Variants in FAXC observed in about 807,000 individuals in gnomAD.
FAXC encodes failed axon connections homolog, metaxin like GST domain containing.
In FAXC, 10 loss-of-function variants were observed where a neutral mutation model predicts 41.9. That is an observed-to-expected ratio of 0.24 (90% CI 0.15 to 0.41). FAXC has a LOEUF of 0.41. FAXC is among the 10% of genes least tolerant of loss of function. The pLI is 1.00. For missense variants in FAXC, 399 were observed against 510.9 expected, an observed-to-expected ratio of 0.78 and a Z score of 2.11; for synonymous variants, 183 against 183.8, an observed-to-expected ratio of 1.00 and a Z score of 0.03.
chr6:99,328,141 ACT>A (rs1470610433), intron 3 of FAXC, among the ~76,000 whole-genome samples: 2 of 152,036 alleles, frequency 1.3e-5, no homozygotes, highest in Non-Finnish European at 2.9e-5. Context: ...ATCTCCCAGC[ACT>A]GACTCCCATG....
Position 99,273,750 on chromosome 6 carries a change from G to C in FAXC, c.*7414C>G, listed in dbSNP as rs904849459. ...TCAATTACAGGCATCTGGGTGCTAC[G>C]CCTAAAGACTCCTTGTCCCATTCTC... On this transcript the variant is annotated 3_prime_UTR_variant, in exon 6 of 6. Coordinates refer to ENST00000389677, the MANE Select transcript of FAXC (RefSeq NM_032511.4). 6.6e-6 allele frequency: 1 copy of C among 151,850 alleles called. No homozygotes were observed. The highest frequency in any genetic ancestry group is 6.6e-5 in the Admixed American group (1 of 15,220). The allele number at this position is 151,850 out of a possible 1,614,324, so 9.4% of individuals were successfully genotyped here. A position where few individuals can be genotyped will look rare whatever the true frequency, so the allele number is the denominator to read the frequency against.
rs1490827660 is a variant in FAXC at position 99,280,136 on chromosome 6, G to A, written c.*1028C>T. On this transcript the variant is annotated 3_prime_UTR_variant, in exon 6 of 6. Transcript: ENST00000389677. ...ACAGAACATGCCAGGGTGAGTTCAGGCAATGAAAGAACCACTTTTCTGCAA... is the reference window on the plus strand; with the variant it reads ...ACAGAACATGCCAGGGTGAGTTCAGACAATGAAAGAACCACTTTTCTGCAA... 6.6e-6 allele frequency: 1 copy of A among 152,186 alleles called. No homozygotes were observed. 9.4% of individuals were successfully genotyped at this position (152,186 alleles called of 1,614,324 possible).
intron 4 of FAXC, among the ~76,000 whole-genome samples, chr6:99,298,377 C>T (rs548998077): frequency 7.2e-5 from 11 of 152,148 alleles, no homozygotes; most frequent in African/African-American, 2.6e-4. Flanking sequence ...GCCTTGAAAG[C>T]TTTTTAAAAA....
intron 4 of FAXC, among the ~76,000 whole-genome samples, chr6:99,303,756 C>T (rs1249671263): frequency 6.6e-6 from 1 of 152,122 alleles, no homozygotes; most frequent in African/African-American, 2.4e-5. Flanking sequence ...GCCCTCTCTC[C>T]CATAAAAAAT....
intron 3 of FAXC, among the ~76,000 whole-genome samples, chr6:99,324,611 C>T (rs1391362916): frequency 2.0e-5 from 3 of 152,090 alleles, no homozygotes; most frequent in African/African-American, 4.8e-5. Context: ...ATCCGTATGG[C>T]GAGGCCAGCA....
chr6:99,284,087 T>C (rs1254384783), intron 5 of FAXC: 2 of 152,174 alleles, frequency 1.3e-5, no homozygotes, highest in Non-Finnish European at 2.9e-5. Context: ...GTGCCAGGCA[T>C]GTAAAGTGCT....
chr6:99,288,053 A>G (rs1198090686), intron 5 of FAXC, among the ~76,000 whole-genome samples: 1 of 152,240 alleles, frequency 6.6e-6, no homozygotes, highest in African/African-American at 2.4e-5. Context: ...CCCAAAATCA[A>G]TCCTCCAAAA....
rs1200056257 is a variant in FAXC at position 99,349,190 on chromosome 6, G to C, written c.183C>G (p.Pro61=). The change falls in exon 1 of 6, where the codon CCC becomes CCG. Residue 61 remains proline, a synonymous_variant. Coordinates refer to ENST00000389677, the MANE Select transcript of FAXC (RefSeq NM_032511.4). ...GGIMAGLGSD[P]WWKKTLYLTG... is the part of the protein sequence containing the mutation. ...TCAAGTAAAGGGTTTTCTTCCACCA[G>C]GGATCGGAGCCCAGCCCTGCCATGA... The C allele has an allele frequency of 6.2e-7, 1 of 1,613,902 alleles. No homozygotes were observed. The highest frequency in any genetic ancestry group is 8.5e-7 in the Non-Finnish European group (1 of 1,180,022).
chr6:99,337,329 T>A (rs891028213), intron 2 of FAXC, among the ~76,000 whole-genome samples: 1 of 152,146 alleles, frequency 6.6e-6, no homozygotes, highest in African/African-American at 2.4e-5. Flanking sequence ...GGCTGACAGC[T>A]GAGGCAGACA....
At chr6:99,293,240 C>T (rs1031023984) in intron 4 of FAXC, among the ~76,000 whole-genome samples, 5 of 152,214 alleles carry the variant, frequency 3.3e-5, no homozygotes, top group African/African-American at 1.2e-4. Context: ...CATGTTCCAG[C>T]TGTATCCTTC....
At chr6:99,328,082 C>G (rs542926799) in intron 3 of FAXC, among the ~76,000 whole-genome samples, 1 of 152,292 alleles carries the variant, frequency 6.6e-6, no homozygotes, top group East Asian at 1.9e-4. Flanking sequence ...CATGCCAGCC[C>G]CTCTCCCCAC....
chr6:99,304,003 C>T (rs1490639722), intron 4 of FAXC, among the ~76,000 whole-genome samples: 4 of 152,254 alleles, frequency 2.6e-5, no homozygotes, highest in South Asian at 4.1e-4. Flanking sequence ...CACGGTCGGC[C>T]GGGTGTGGTG....
rs1471722110 is a variant in FAXC at position 99,272,622 on chromosome 6, AC to A, written c.*8541del. On this transcript the variant is annotated 3_prime_UTR_variant, in exon 6 of 6. Transcript: ENST00000389677. Reference sequence around the variant, plus strand: ...CACACTTCGTAACACTCTGAGGCACACTGGGCATGAAATAAAAGCAGGAGAG... The same window carrying A: ...CACACTTCGTAACACTCTGAGGCACATGGGCATGAAATAAAAGCAGGAGAG... 3 of 152,212 alleles carry A rather than the reference AC, an allele frequency of 2.0e-5. No individual in the cohort carries two copies. Among genetic ancestry groups the A allele is most frequent in the Admixed American group, 2.0e-4 (3 of 15,278 alleles). The allele number at this position is 152,212 out of a possible 1,614,324, so 9.4% of individuals were successfully genotyped here.
chr6:99,273,385 T>A lies in FAXC; in HGVS notation c.*7779A>T, dbSNP rs370659176. 1.4e-4 allele frequency: 21 copies of A among 151,950 alleles called. No individual in the cohort carries two copies. The highest frequency in any genetic ancestry group is 3.9e-4 in the African/African-American group (16 of 41,428). The allele number at this position is 151,950 out of a possible 1,614,324, so 9.4% of individuals were successfully genotyped here. A position where few individuals can be genotyped will look rare whatever the true frequency, so the allele number is the denominator to read the frequency against. On this transcript the variant is annotated 3_prime_UTR_variant, in exon 6 of 6. Coordinates refer to ENST00000389677, the MANE Select transcript of FAXC (RefSeq NM_032511.4). The stretch of plus-strand genomic sequence containing the variant: ...TGAGATGATGAATTATCAGGCATTA[T>A]CAAAACATGTTTTTCAGATTGATGC...
rs1354909343 is a variant in FAXC, at chr6:99,280,814, A to G, written c.*350T>C. The G allele has an allele frequency of 5.1e-6, 1 of 195,126 alleles. No homozygotes were observed. Among genetic ancestry groups the G allele is most frequent in the Non-Finnish European group, 1.1e-5 (1 of 93,900 alleles). 12.1% of individuals were successfully genotyped at this position (195,126 alleles called of 1,614,324 possible). On this transcript the variant is annotated 3_prime_UTR_variant, in exon 6 of 6. Transcript: ENST00000389677. ...AGGAGGTTCAAGAATCCATCTCACA[A>G]TTAAGACCTCAGGGTTGAAGAGGAT...
Position 99,333,343 on chromosome 6 carries a change from G to A in FAXC, c.599+8C>T, listed in dbSNP as rs1773099096. 3 of 1,603,926 alleles carry A rather than the reference G, an allele frequency of 1.9e-6. No individual in the cohort carries two copies. The East Asian group carries it at 6.7e-5, about 36-fold the overall frequency. ...CGAAAGGACGGGGACACCCCAGAGG[G>A]GACTCACCAGTAGAAGTGCTCCTCC... On this transcript the variant is annotated splice_region_variant and intron_variant, in intron 3 of 5. Coordinates refer to ENST00000389677, the MANE Select transcript of FAXC (RefSeq NM_032511.4).
In FAXC at chr6:99,318,304, C is replaced by CAAA. The variant is rs748610778; in HGVS notation, c.823+5139_823+5140insTTT. ...ACACACACACACACACACACACACA[C>CAAA]ACAAAATAGAAGAAATGGAAAATAT... On this transcript the variant is annotated intron_variant, in intron 4 of 5. Coordinates refer to ENST00000389677, the MANE Select transcript of FAXC (RefSeq NM_032511.4). Among the ~76,000 whole-genome samples the CAAA allele has an allele frequency of 1.7e-4, 18 of 104,038 alleles. 1 individual carries two copies. Among genetic ancestry groups the CAAA allele is most frequent in the African/African-American group, 4.9e-4 (16 of 32,360 alleles). 68.3% of individuals were successfully genotyped at this position (104,038 alleles called of 152,430 possible).
rs914452758 is a variant in FAXC, at chr6:99,277,452, C to G, written c.*3712G>C. 2 of 150,274 alleles carry G rather than the reference C, an allele frequency of 1.3e-5. No homozygotes were observed. The highest frequency in any genetic ancestry group is 3.0e-5 in the Non-Finnish European group (2 of 67,520). The allele number at this position is 150,274 out of a possible 1,614,324, so 9.3% of individuals were successfully genotyped here. A position where few individuals can be genotyped will look rare whatever the true frequency, so the allele number is the denominator to read the frequency against. On this transcript the variant is annotated 3_prime_UTR_variant, in exon 6 of 6. Transcript: ENST00000389677. Reference sequence around the variant, plus strand: ...CAGGGCCAGGCACAGGGTAGGTGCTCTGTAAATATTCAGCAAGTGAGGGAA... The same window carrying G: ...CAGGGCCAGGCACAGGGTAGGTGCTGTGTAAATATTCAGCAAGTGAGGGAA...
intron 4 of FAXC, among the ~76,000 whole-genome samples, chr6:99,292,876 G>T (rs1175690624): frequency 7.2e-5 from 11 of 151,948 alleles, no homozygotes; most frequent in Non-Finnish European, 1.5e-5. Flanking sequence ...GCATTATCTC[G>T]GCTCACTGCA....
Sources: gnomAD v4.1 joint callset for allele counts (sites outside exome capture counted in the v4.1 genomes callset) on GRCh38, gnomAD v4.1.1 for gene constraint, MANE v1.5 for transcripts, NCBI Gene and HGNC (gene_info 2026-07-23, HGNC 2026-07-21) for gene names.